Variants in CSMD1 observed in about 807,000 individuals in gnomAD.
The protein encoded by CSMD1 is CUB and sushi domain-containing protein 1.
CSMD1 carries 213 observed loss-of-function variants against 417.5 expected under a neutral mutation model. The ratio of observed to expected loss-of-function variants is 0.51; its 90% CI spans 0.46 to 0.57. The LOEUF is 0.57. Among genes scored for constraint, CSMD1 ranks in the 20% least tolerant of loss-of-function variants. The probability of loss-of-function intolerance (pLI) is 0.00; values close to 1 mark genes in which losing one functional copy is unlikely to be tolerated. For synonymous variants in CSMD1, 2,862 were observed against 1,736.8 expected, an observed-to-expected ratio of 1.65 and a Z score of -16.11; for missense variants, 6,923 against 4,529.7, an observed-to-expected ratio of 1.53 and a Z score of -15.17.
At chr8:3,393,792 G>C (rs961970121) in intron 17 of CSMD1, among the ~76,000 whole-genome samples, 2 of 151,038 alleles carry the variant, frequency 1.3e-5, no homozygotes, top group African/African-American at 4.9e-5. Flanking sequence ...TGAACAATGA[G>C]AACACATGGA....
rs538395600 is a variant in CSMD1 at position 3,722,009 on chromosome 8, T to A, written c.932-13518A>T. On this transcript the variant is annotated intron_variant, in intron 6 of 69. Transcript: ENST00000635120. ...CCCCCCACAAGCCAGTACACATGGG[T>A]GGAGTTGGCACAGGTTGTACAAGTA... Among the ~76,000 whole-genome samples the A allele has an allele frequency of 2.7e-4, 41 of 151,956 alleles. 1 individual carries two copies. In the South Asian group the frequency reaches 7.9e-3, roughly 29 times the overall value.
chr8:4,536,569 G>A (rs1438754724), intron 2 of CSMD1, among the ~76,000 whole-genome samples: 1 of 152,030 alleles, frequency 6.6e-6, no homozygotes, highest in Non-Finnish European at 1.5e-5. Flanking sequence ...CAGCAGCATC[G>A]GACACTGTTG....
intron 3 of CSMD1, among the ~76,000 whole-genome samples, chr8:4,213,929 C>A (rs967424364): frequency 6.6e-6 from 1 of 152,186 alleles, no homozygotes; most frequent in South Asian, 2.1e-4. Context: ...ATTAATTAGA[C>A]ACTAGCATAC....
chr8:2,936,623 T>C lies in CSMD1; in HGVS notation c.*1962A>G, dbSNP rs1426663315. On this transcript the variant is annotated 3_prime_UTR_variant, in exon 70 of 70. Transcript: ENST00000635120. The stretch of plus-strand genomic sequence containing the variant: ...AAACTGTGCAGAGAATTCAGCATAA[T>C]GATACAGAATCCAACAGCGTGGGGT... The C allele has an allele frequency of 6.6e-6, 1 of 152,158 alleles. No individual in the cohort carries two copies. Among genetic ancestry groups the C allele is most frequent in the Non-Finnish European group, 1.5e-5 (1 of 68,056 alleles). 9.4% of individuals were successfully genotyped at this position (152,158 alleles called of 1,614,324 possible). A position where few individuals can be genotyped will look rare whatever the true frequency, so the allele number is the denominator to read the frequency against.
At chr8:3,899,475 G>T (rs764659369) in intron 5 of CSMD1, among the ~76,000 whole-genome samples, 1 of 152,162 alleles carries the variant, frequency 6.6e-6, no homozygotes, top group African/African-American at 2.4e-5. Flanking sequence ...AACCGCAGAG[G>T]TGGGTAGAAA....
chr8:4,561,846 G>A (rs564921331), intron 2 of CSMD1, among the ~76,000 whole-genome samples: 5 of 152,166 alleles, frequency 3.3e-5, no homozygotes, highest in Non-Finnish European at 7.3e-5. Flanking sequence ...GAGTCCCAGA[G>A]AAACACAGTG....
chr8:3,525,737 G>A (rs901267433), intron 10 of CSMD1, among the ~76,000 whole-genome samples: 5 of 152,124 alleles, frequency 3.3e-5, no homozygotes, highest in East Asian at 1.9e-4. Flanking sequence ...TTGTCGCAAT[G>A]TACTTTCAAA....
chr8:4,179,914 A>C (rs185833520), intron 3 of CSMD1, among the ~76,000 whole-genome samples: 10 of 152,314 alleles, frequency 6.6e-5, no homozygotes, highest in East Asian at 1.9e-4. Context: ...CGATCATTAA[A>C]AAGTCAGGAA....
intron 1 of CSMD1, among the ~76,000 whole-genome samples, chr8:4,988,719 C>G (rs1222173700): frequency 6.6e-6 from 1 of 152,174 alleles, no homozygotes; most frequent in African/African-American, 2.4e-5. Context: ...TGGCATTTTC[C>G]TCTCCCATAA....
chr8:4,233,879 G>A (rs546886039), intron 3 of CSMD1, among the ~76,000 whole-genome samples: 51 of 151,916 alleles, frequency 3.4e-4, no homozygotes, highest in Admixed American at 8.5e-4. Context: ...AATTTCAAGC[G>A]GAAGCCATAT....
At chr8:3,544,246 G>A (rs904673876) in intron 10 of CSMD1, among the ~76,000 whole-genome samples, 13 of 152,016 alleles carry the variant, frequency 8.6e-5, no homozygotes, top group South Asian at 4.2e-4. Context: ...AAAGTGCCCC[G>A]ACATCCTGAT....
rs545105752 is a variant in CSMD1, at chr8:4,175,061, T to A, written c.416-142962A>T. 9.7e-4 allele frequency among the ~76,000 whole-genome samples: 148 copies of A among 152,040 alleles called. 1 individual carries two copies. In the South Asian group the frequency reaches 0.013, roughly 13 times the overall value. On this transcript the variant is annotated intron_variant, in intron 3 of 69. Coordinates refer to ENST00000635120, the MANE Select transcript of CSMD1 (RefSeq NM_033225.6). ...TTCCTTTCTAAGTGAACCCTGGGCA[T>A]CTTTCACTGACTTTTACTTTGCACT... is the stretch of plus-strand genomic sequence containing the variant.
chr8:3,069,015 G>A (rs550115716), intron 49 of CSMD1, among the ~76,000 whole-genome samples: 1 of 152,066 alleles, frequency 6.6e-6, no homozygotes. Flanking sequence ...GAGACAAGGA[G>A]AGACAAGGCA....
chr8:3,206,236 GTA>G (rs1463494578), intron 30 of CSMD1, among the ~76,000 whole-genome samples: 1 of 132,772 alleles, frequency 7.5e-6, no homozygotes, highest in Non-Finnish European at 1.6e-5. Context: ...GTGTGTGTGT[GTA>G]TGTGTGTGGG....
chr8:4,910,539 C>T (rs1000104845), intron 1 of CSMD1, among the ~76,000 whole-genome samples: 2 of 152,154 alleles, frequency 1.3e-5, no homozygotes, highest in Non-Finnish European at 2.9e-5. Flanking sequence ...GACAAGGAAT[C>T]TCTGAAGCTT....
At chr8:3,305,805 G>A (rs576076205) in intron 25 of CSMD1, among the ~76,000 whole-genome samples, 58 of 152,104 alleles carry the variant, frequency 3.8e-4, no homozygotes, top group African/African-American at 1.3e-3. Context: ...TCAGCCTCCC[G>A]AGTAGCTGGG....
chr8:3,976,702 C>G (rs1271423456), intron 5 of CSMD1, among the ~76,000 whole-genome samples: 2 of 152,118 alleles, frequency 1.3e-5, no homozygotes, highest in East Asian at 1.9e-4. Context: ...TACTTATGAA[C>G]CCTTTTAATC....
At chr8:4,221,335 T>C (rs930097913) in intron 3 of CSMD1, among the ~76,000 whole-genome samples, 2 of 148,368 alleles carry the variant, frequency 1.3e-5, no homozygotes, top group Non-Finnish European at 3.0e-5. Flanking sequence ...GCTCACAAAA[T>C]GTTTCAAAGG....
At chr8:4,012,161 G>A (rs1420762728) in intron 4 of CSMD1, among the ~76,000 whole-genome samples, 1 of 152,020 alleles carries the variant, frequency 6.6e-6, no homozygotes, top group Non-Finnish European at 1.5e-5. Flanking sequence ...ATTGAAACTG[G>A]ATGCAGAACC....
Sources: gnomAD v4.1 joint callset for allele counts (sites outside exome capture counted in the v4.1 genomes callset) on GRCh38, gnomAD v4.1.1 for gene constraint, MANE v1.5 for transcripts, NCBI Gene and HGNC (gene_info 2026-07-23, HGNC 2026-07-21) for gene names.